The following VAV3 variants were observed in gnomAD, a reference collection of about 807,000 sequenced individuals.
The protein encoded by VAV3 is guanine nucleotide exchange factor VAV3.
Under a neutral mutation model 131.2 loss-of-function variants are expected in VAV3, and 94 were observed. The observed-to-expected ratio is 0.72, with a 90% CI of 0.61 to 0.85. The LOEUF (loss-of-function observed/expected upper bound fraction) is 0.85, where lower values mean the gene tolerates loss of function less well. VAV3 is among the 40% of genes least tolerant of loss of function. VAV3 has a pLI of 0.00. For synonymous variants in VAV3, 349 were observed against 342.0 expected (o/e 1.02, Z -0.22); for missense variants, 939 against 1,002.7 (o/e 0.94, Z 0.86).
At chr1:107,771,763 GC>G (rs1665063352) in intron 5 of VAV3, among the ~76,000 whole-genome samples, 1 of 152,250 alleles carries the variant, frequency 6.6e-6, no homozygotes, top group Non-Finnish European at 1.5e-5. Flanking sequence ...AGTGAGGACT[GC>G]CCTTGCGGGA....
At chr1:107,616,188 A>G (rs1177406722) in intron 21 of VAV3, among the ~76,000 whole-genome samples, 1 of 152,198 alleles carries the variant, frequency 6.6e-6, no homozygotes, top group African/African-American at 2.4e-5. Flanking sequence ...CATGGAATCA[A>G]TCTAAATGCC....
chr1:107,730,122 G>A (rs148196828), intron 15 of VAV3, among the ~76,000 whole-genome samples: 113 of 152,210 alleles, frequency 7.4e-4, no homozygotes, highest in Non-Finnish European at 1.2e-3. Flanking sequence ...AATAAGTGAC[G>A]GGTCAAACAC....
chr1:107,726,962 T>C (rs912135415), intron 15 of VAV3, among the ~76,000 whole-genome samples: 1 of 152,140 alleles, frequency 6.6e-6, no homozygotes, highest in Non-Finnish European at 1.5e-5. Context: ...ACACAATGAG[T>C]AATAATCATC....
At chr1:107,645,298 G>A (rs1166873617) in intron 19 of VAV3, among the ~76,000 whole-genome samples, 1 of 146,844 alleles carries the variant, frequency 6.8e-6, no homozygotes, top group African/African-American at 2.5e-5. Context: ...AATGGGTTGT[G>A]AGTTTATGAT....
intron 20 of VAV3, among the ~76,000 whole-genome samples, chr1:107,637,864 A>G: frequency 6.6e-6 from 1 of 152,328 alleles, no homozygotes; most frequent in Non-Finnish European, 1.5e-5. Context: ...TATAAAAAAG[A>G]TAATATATAA....
chr1:107,671,777 C>CA (rs11379276), intron 19 of VAV3, among the ~76,000 whole-genome samples: 93,764 of 150,928 alleles, frequency 0.62, 29,703 homozygotes, highest in African/African-American at 0.75. Context: ...CATATTTTAC[C>CA]AAAAAAAACA....
chr1:107,672,697 G>C (rs1220105723), intron 19 of VAV3, among the ~76,000 whole-genome samples: 1 of 151,890 alleles, frequency 6.6e-6, no homozygotes, highest in African/African-American at 2.4e-5. Flanking sequence ...ACCAAATCTT[G>C]AATAGAAAGA....
intron 4 of VAV3, among the ~76,000 whole-genome samples, chr1:107,776,312 A>C (rs988079454): frequency 8.5e-5 from 13 of 152,212 alleles, no homozygotes; most frequent in Admixed American, 1.3e-4. Flanking sequence ...CACACCTCAC[A>C]AAAGTGTACC....
intron 2 of VAV3, among the ~76,000 whole-genome samples, chr1:107,837,511 T>C (rs769770774): frequency 2.2e-4 from 34 of 152,108 alleles, no homozygotes; most frequent in Admixed American, 4.6e-4. Context: ...AGCAATGTCA[T>C]TTTTCACAGA....
intron 1 of VAV3, among the ~76,000 whole-genome samples, chr1:107,885,523 G>T (rs1372782483): frequency 2.6e-5 from 4 of 152,088 alleles, no homozygotes; most frequent in African/African-American, 9.7e-5. Flanking sequence ...ATCACTGGGA[G>T]AACATGGAAT....
chr1:107,904,827 T>C (rs1383825895), intron 1 of VAV3, among the ~76,000 whole-genome samples: 1 of 148,058 alleles, frequency 6.8e-6, no homozygotes, highest in Non-Finnish European at 1.5e-5. Context: ...AACTTATTAA[T>C]TACATGTAAT....
At chr1:107,598,172 G>A (rs1651540177) in intron 24 of VAV3, among the ~76,000 whole-genome samples, 1 of 152,116 alleles carries the variant, frequency 6.6e-6, no homozygotes, top group African/African-American at 2.4e-5. Flanking sequence ...TGGCCAACAT[G>A]GTGAAACCCT....
chr1:107,877,392 C>T (rs907698799), intron 1 of VAV3, among the ~76,000 whole-genome samples: 2 of 152,172 alleles, frequency 1.3e-5, no homozygotes, highest in Non-Finnish European at 2.9e-5. Context: ...GCACACACCA[C>T]GCTCTGAAGA....
chr1:107,748,067 C>T (rs1034842916), intron 15 of VAV3, among the ~76,000 whole-genome samples: 11 of 152,026 alleles, frequency 7.2e-5, no homozygotes, highest in Non-Finnish European at 1.3e-4. Flanking sequence ...CTTTATTTTC[C>T]TAATTTCAGA....
chr1:107,767,924 T>C (rs1664823172), intron 7 of VAV3, among the ~76,000 whole-genome samples: 1 of 152,176 alleles, frequency 6.6e-6, no homozygotes, highest in African/African-American at 2.4e-5. Flanking sequence ...AATTTTACAA[T>C]TAAAATAGTC....
At chr1:107,618,476 G>A (rs1343165642) in intron 20 of VAV3, among the ~76,000 whole-genome samples, 2 of 152,208 alleles carry the variant, frequency 1.3e-5, no homozygotes, top group South Asian at 2.1e-4. Context: ...ATTAACAGAA[G>A]AAGACCGTAA....
At chr1:107,746,882 CTT>C (rs11313509) in intron 15 of VAV3, among the ~76,000 whole-genome samples, 116 of 145,340 alleles carry the variant, frequency 8.0e-4, no homozygotes, top group Admixed American at 3.3e-3. Context: ...TGTCAAATCT[CTT>C]TTTTTTTTTT....
chr1:107,650,467 C>T (rs1656072183), intron 19 of VAV3, among the ~76,000 whole-genome samples: 1 of 151,848 alleles, frequency 6.6e-6, no homozygotes. Context: ...TATGTACCCC[C>T]AAATACATAT....
intron 25 of VAV3, among the ~76,000 whole-genome samples, chr1:107,575,352 A>G (rs1649571873): frequency 6.6e-6 from 1 of 152,200 alleles, no homozygotes; most frequent in African/African-American, 2.4e-5. Flanking sequence ...CTCAGGCAGC[A>G]GAAGTTATGA....
Sources: allele counts gnomAD v4.1 joint callset (sites outside exome capture counted in the v4.1 genomes callset), GRCh38; gene constraint gnomAD v4.1.1; transcripts MANE v1.5; gene names NCBI Gene and HGNC (gene_info 2026-07-23, HGNC 2026-07-21).